Variants in ZBBX observed in about 807,000 individuals in gnomAD.
ZBBX encodes zinc finger B-box domain containing, also known as zinc finger B-box domain-containing protein 1.
In ZBBX, 101 loss-of-function variants were observed where a neutral mutation model predicts 108.5. The observed-to-expected ratio is 0.93, with a 90% confidence interval of 0.79 to 1.10. ZBBX has a LOEUF of 1.10. Among genes scored for constraint, ZBBX ranks in the 50% least tolerant of loss-of-function variants. The probability of loss-of-function intolerance (pLI) is 0.00; values close to 1 mark genes in which losing one functional copy is unlikely to be tolerated. For missense variants in ZBBX, 1,009 were observed against 941.4 expected, an observed-to-expected ratio of 1.07 and a Z score of -0.94; for synonymous variants, 356 against 323.4, an observed-to-expected ratio of 1.10 and a Z score of -1.08.
chr3:167,205,989 G>A, the ZBBX span, among the ~76,000 whole-genome samples: 1 of 152,048 alleles, frequency 6.6e-6, no homozygotes, highest in East Asian at 1.9e-4. Flanking sequence ...TTGTGTGCAT[G>A]TGTTTGTTAA....
chr3:167,388,700 C>A (rs1747996424), intron 1 of ZBBX, among the ~76,000 whole-genome samples: 1 of 151,998 alleles, frequency 6.6e-6, no homozygotes, highest in Non-Finnish European at 1.5e-5. Context: ...ACCTAGGCTC[C>A]TTCCATTGTG....
chr3:167,224,058 G>A, the ZBBX span, among the ~76,000 whole-genome samples: 4 of 151,878 alleles, frequency 2.6e-5, no homozygotes, highest in East Asian at 1.9e-4. Context: ...GGGACATAGC[G>A]GGTGGGAAAC....
chr3:167,360,189 A>T (rs936256194), intron 7 of ZBBX, among the ~76,000 whole-genome samples: 1 of 148,708 alleles, frequency 6.7e-6, no homozygotes, highest in East Asian at 1.9e-4. Flanking sequence ...TTTTCTACCA[A>T]ACTATATTAA....
rs66694681 is a variant in ZBBX, at chr3:167,332,270, A to AAC, written c.687+1555_687+1556dup. On this transcript the variant is annotated intron_variant, in intron 10 of 21. Coordinates refer to ENST00000675490, the MANE Select transcript of ZBBX (RefSeq NM_001199201.2). The stretch of plus-strand genomic sequence containing the variant: ...ACTCACCAGAATCACTGAGGAGTTA[A>AAC]ACACACACACACACACACAAACACA... 2.2e-3 allele frequency among the ~76,000 whole-genome samples: 293 copies of AAC among 135,444 alleles called. 1 individual carries two copies. Among genetic ancestry groups the AAC allele is most frequent in the African/African-American group, 7.3e-3 (268 of 36,528 alleles). 88.9% of individuals were successfully genotyped at this position (135,444 alleles called of 152,430 possible).
At chr3:167,211,914 T>C in the ZBBX span, among the ~76,000 whole-genome samples, 2 of 152,128 alleles carry the variant, frequency 1.3e-5, no homozygotes, top group Non-Finnish European at 2.9e-5. Flanking sequence ...CTTTGGGCTT[T>C]GGAGAGTCTG....
intron 18 of ZBBX, 36 bp downstream of exon 18, chr3:167,298,269 A>T (rs749412771): frequency 1.2e-5 from 18 of 1,545,742 alleles, no homozygotes; most frequent in Non-Finnish European, 1.6e-5. Context: ...CTAAGATGAG[A>T]ACAGACTGTT....
At chr3:167,184,294 C>T in the ZBBX span, among the ~76,000 whole-genome samples, 1 of 152,048 alleles carries the variant, frequency 6.6e-6, no homozygotes, top group Admixed American at 6.5e-5. Flanking sequence ...TTGGTGCATG[C>T]CTGTTGCTTC....
At chr3:167,275,208 T>C (rs1004819839) in intron 20 of ZBBX, among the ~76,000 whole-genome samples, 1 of 152,278 alleles carries the variant, frequency 6.6e-6, no homozygotes, top group African/African-American at 2.4e-5. Flanking sequence ...TTCTACTAAA[T>C]ATATATTCTT....
At chr3:167,362,167 A>G (rs1378984634) in intron 6 of ZBBX, among the ~76,000 whole-genome samples, 1 of 152,168 alleles carries the variant, frequency 6.6e-6, no homozygotes, top group Non-Finnish European at 1.5e-5. Context: ...ACATATACAT[A>G]TATAATACAT....
At chr3:167,325,210 C>G (rs1737139891) in intron 11 of ZBBX, among the ~76,000 whole-genome samples, 1 of 152,018 alleles carries the variant, frequency 6.6e-6, no homozygotes, top group Non-Finnish European at 1.5e-5. Context: ...TTAATCTGTT[C>G]TCACGCTGCT....
downstream of ZBBX, among the ~76,000 whole-genome samples, chr3:167,236,805 T>C (rs1315742391): frequency 2.0e-5 from 3 of 151,846 alleles, no homozygotes; most frequent in Non-Finnish European, 2.9e-5. Flanking sequence ...ATGTATAGTC[T>C]AGTTAAGAGG....
At chr3:167,336,741 T>C (rs1360680837) in intron 9 of ZBBX, among the ~76,000 whole-genome samples, 3 of 152,252 alleles carry the variant, frequency 2.0e-5, no homozygotes, top group Non-Finnish European at 4.4e-5. Flanking sequence ...GATTTGAACA[T>C]TGTTCTTTGC....
upstream of ZBBX, among the ~76,000 whole-genome samples, chr3:167,381,775 T>C (rs781533699): frequency 2.0e-5 from 3 of 152,172 alleles, no homozygotes; most frequent in Admixed American, 6.5e-5. Context: ...GAAGAAATCG[T>C]CAAAGCCCCT....
intron 21 of ZBBX, 81 bp downstream of exon 21, chr3:167,242,424 A>C: frequency 8.4e-7 from 1 of 1,194,770 alleles, no homozygotes; most frequent in Non-Finnish European, 1.2e-6. Context: ...ATCTTTCTAT[A>C]TATAATAAAG....
At chr3:167,214,253 C>G in the ZBBX span, among the ~76,000 whole-genome samples, 1 of 152,228 alleles carries the variant, frequency 6.6e-6, no homozygotes, top group Non-Finnish European at 1.5e-5. Context: ...CCAGACCCAT[C>G]TTACACATAA....
At chr3:167,189,032 A>G in the ZBBX span, among the ~76,000 whole-genome samples, 3 of 152,212 alleles carry the variant, frequency 2.0e-5, no homozygotes, top group African/African-American at 7.2e-5. Flanking sequence ...AGATGTATAG[A>G]CATGGGAGTG....
intron 6 of ZBBX, among the ~76,000 whole-genome samples, chr3:167,361,295 A>G (rs566765936): frequency 5.6e-4 from 85 of 152,284 alleles, no homozygotes; most frequent in South Asian, 3.1e-3. Flanking sequence ...ACTGCTAGAT[A>G]TTTCAAATAA....
rs184638003 is a variant in ZBBX at position 167,296,543 on chromosome 3, G to C, written c.1879+1762C>G. ...AATCAGCAAAGTAGTAGGATACAAA[G>C]TCAATAGGCAAATACCAGTTGTATT... is the stretch of plus-strand genomic sequence containing the variant. On this transcript the variant is annotated intron_variant, in intron 18 of 21. Coordinates refer to ENST00000675490, the MANE Select transcript of ZBBX (RefSeq NM_001199201.2). 3.2e-3 allele frequency among the ~76,000 whole-genome samples: 492 copies of C among 152,060 alleles called. 3 individuals carry two copies. The highest frequency in any genetic ancestry group is 2.9e-3 in the Non-Finnish European group (194 of 67,902).
At chr3:167,287,332 C>T (rs1316733021) in intron 19 of ZBBX, among the ~76,000 whole-genome samples, 7 of 151,986 alleles carry the variant, frequency 4.6e-5, no homozygotes, top group South Asian at 2.1e-4. Flanking sequence ...TAGCATAACA[C>T]GGAGTTGTTG....
Sources: gnomAD v4.1 joint callset for allele counts (sites outside exome capture counted in the v4.1 genomes callset) on GRCh38, gnomAD v4.1.1 for gene constraint, MANE v1.5 for transcripts, NCBI Gene and HGNC (gene_info 2026-07-23, HGNC 2026-07-21) for gene names.